The following ERAP1 variants were observed in gnomAD, a reference collection of about 807,000 sequenced individuals.
ERAP1 encodes endoplasmic reticulum aminopeptidase 1.
A neutral mutation model predicts 103.7 loss-of-function variants in ERAP1; 86 were observed. The ratio of observed to expected loss-of-function variants is 0.83; its 90% CI spans 0.70 to 0.99. ERAP1 has a LOEUF of 0.99. Among genes scored for constraint, ERAP1 ranks in the 50% least tolerant of loss-of-function variants. The probability of loss-of-function intolerance (pLI) is 0.00; values close to 1 mark genes in which losing one functional copy is unlikely to be tolerated. For synonymous variants in ERAP1, 398 were observed against 402.4 expected (o/e 0.99, Z 0.13); for missense variants, 1,009 against 1,128.4 (o/e 0.89, Z 1.52).
chr5:96,839,395 C>A, the ERAP1 span, among the ~76,000 whole-genome samples: 1 of 152,180 alleles, frequency 6.6e-6, no homozygotes, highest in African/African-American at 2.4e-5. Flanking sequence ...GATGACCAGC[C>A]CCATTCTGAG....
chr5:96,851,308 T>A, the ERAP1 span, among the ~76,000 whole-genome samples: 1 of 152,208 alleles, frequency 6.6e-6, no homozygotes, highest in Non-Finnish European at 1.5e-5. Context: ...GTTTCCTTAA[T>A]CAGGCTGCAC....
the ERAP1 span, among the ~76,000 whole-genome samples, chr5:96,907,029 AAAAAC>A: frequency 1.1e-4 from 16 of 152,218 alleles, no homozygotes; most frequent in African/African-American, 3.1e-4. Context: ...ACTCCATCTC[AAAAAC>A]AAAACAAAAC....
Position 96,803,858 on chromosome 5 carries a change from G to A in ERAP1, c.69C>T (p.Leu23=). 6.2e-7 allele frequency: 1 copy of A among 1,613,864 alleles called. No individual in the cohort carries two copies. Among genetic ancestry groups the A allele is most frequent in the Non-Finnish European group, 8.5e-7 (1 of 1,180,040 alleles). Residue 23 remains leucine, a synonymous_variant, in exon 2 of 19, where the codon CTC becomes CTT. Coordinates refer to ENST00000443439, the MANE Select transcript of ERAP1 (RefSeq NM_001040458.3). ...MSFLLSSLLA[L]LTVSTPSWCQ... is the part of the protein sequence containing the mutation. ...ACCATGAAGGAGTGGACACAGTTAA[G>A]AGAGCCAACAGTGAGGAAAGTAGAA...
At chr5:96,820,186 G>T in the ERAP1 span, among the ~76,000 whole-genome samples, 1 of 152,092 alleles carries the variant, frequency 6.6e-6, no homozygotes, top group Admixed American at 6.5e-5. Flanking sequence ...TCATTTTACT[G>T]CATTTTATGG....
chr5:96,871,395 T>A, the ERAP1 span, among the ~76,000 whole-genome samples: 1 of 152,256 alleles, frequency 6.6e-6, no homozygotes, highest in African/African-American at 2.4e-5. Flanking sequence ...GTCCCTACTC[T>A]ATCTTGGCCA....
chr5:96,765,046 T>C lies in ERAP1; in HGVS notation c.2819-1818A>G, dbSNP rs573417843. On this transcript the variant is annotated intron_variant, in intron 19 of 19. Coordinates refer to the ERAP1 transcript ENST00000296754. ...ACAGATACTGCCGCTCTTCTCCTGA[T>C]CTTCCATTCCTAGGCTTCTCTTCTC... Among the ~76,000 whole-genome samples the C allele has an allele frequency of 1.4e-4, 22 of 152,164 alleles. No homozygotes were observed. The East Asian group carries it at 4.3e-3, about 30-fold the overall frequency.
chr5:96,829,668 TTC>T, the ERAP1 span, among the ~76,000 whole-genome samples: 1,038 of 152,332 alleles, frequency 6.8e-3, 10 homozygotes, highest in African/African-American at 0.023. Context: ...GCGGTTTAGT[TTC>T]TCTGAGAGCA....
the ERAP1 span, among the ~76,000 whole-genome samples, chr5:96,814,534 G>C: frequency 2.6e-5 from 4 of 152,308 alleles, no homozygotes; most frequent in South Asian, 2.1e-4. Context: ...GAAGTGACTA[G>C]ATTCTAGAGA....
chr5:96,897,796 AC>A, the ERAP1 span, among the ~76,000 whole-genome samples: 2 of 152,216 alleles, frequency 1.3e-5, no homozygotes, highest in Admixed American at 6.5e-5. Context: ...AATTAGAAGA[AC>A]CCTAAGTCAT....
chr5:96,808,320 A>G (rs1778928425), upstream of ERAP1: 1 of 568,238 alleles, frequency 1.8e-6, no homozygotes, highest in African/African-American at 2.3e-5. Flanking sequence ...TGCGAGGGTT[A>G]GGGGCATGCA....
chr5:96,917,360 A>G, the ERAP1 span: 1 of 1,071,062 alleles, frequency 9.3e-7, no homozygotes, highest in Non-Finnish European at 1.4e-6. Context: ...AGCTCAATTG[A>G]TCTGCCCACC....
rs141891516 is a variant in ERAP1, at chr5:96,790,592, T to C, written c.1372A>G (p.Lys458Glu). Residue 458 changes from lysine to glutamate, a missense_variant, in exon 9 of 19, where the codon AAA (lysine) becomes GAA (glutamate). Physicochemically the swap from Lys to Glu is moderately conservative, Grantham distance 56. This residue lies in a region of ERAP1 where 611 missense variants were observed against 651.7 expected (regional missense o/e 0.94). Transcript: ENST00000443439. ...TGGAGATACTGTACAATACCACTTT[T>C]AAATGCGTCAGCACTAAGATACTCC... is the stretch of plus-strand genomic sequence containing the variant. ...LREYLSADAF[K>E]SGIVQYLQKH... 3.1e-6 allele frequency: 5 copies of C among 1,612,592 alleles called. No individual in the cohort carries two copies. Among genetic ancestry groups the C allele is most frequent in the Non-Finnish European group, 2.5e-6 (3 of 1,178,660 alleles).
chr5:96,854,942 A>G, the ERAP1 span, among the ~76,000 whole-genome samples: 7,279 of 152,282 alleles, frequency 0.048, 214 homozygotes, highest in South Asian at 0.11. Flanking sequence ...GAAACTCCCC[A>G]AAGAGCTTAA....
chr5:96,800,288 T>A (rs1249713117), intron 3 of ERAP1, among the ~76,000 whole-genome samples: 3 of 152,202 alleles, frequency 2.0e-5, no homozygotes, highest in Non-Finnish European at 4.4e-5. Context: ...CACATCCGCA[T>A]TGAGATTGGG....
At chr5:96,859,151 T>C in the ERAP1 span, among the ~76,000 whole-genome samples, 7,336 of 151,378 alleles carry the variant, frequency 0.048, 216 homozygotes, top group South Asian at 0.1. Context: ...CCTAAGTAAT[T>C]AGCACAAGGC....
chr5:96,869,217 A>C, the ERAP1 span, among the ~76,000 whole-genome samples: 1 of 152,020 alleles, frequency 6.6e-6, no homozygotes, highest in East Asian at 1.9e-4. Flanking sequence ...CTTATTAGTC[A>C]ATAAAATTCA....
rs760000780 is a variant in ERAP1 at position 96,783,182 on chromosome 5, G to A, written c.2154C>T (p.Asp718=). 31 of 1,613,690 alleles carry A rather than the reference G, an allele frequency of 1.9e-5. No individual in the cohort carries two copies. Among genetic ancestry groups the A allele is most frequent in the South Asian group, 1.5e-4 (14 of 91,080 alleles). ...RDLIDKQTWT[D]EGSVSERMLR... ...GCATTCGCTCTGAGACTGAGCCCTC[G>A]TCTGTCCATGTCTGCTTATCAATGA... Residue 718 remains aspartate, a synonymous_variant, in exon 15 of 19, where the codon GAC becomes GAT. Transcript: ENST00000443439.
In ERAP1 at chr5:96,775,374, G is replaced by C. The variant is rs1337244100; in HGVS notation, c.*1022C>G. ...TGGTGACTGCAATAATTTACTGTCAGTAAATGCCAATAACTAGTTAGTTAG... is the reference window on the plus strand; with the variant it reads ...TGGTGACTGCAATAATTTACTGTCACTAAATGCCAATAACTAGTTAGTTAG... On this transcript the variant is annotated 3_prime_UTR_variant, in exon 19 of 19. Transcript: ENST00000443439. The C allele has an allele frequency of 1.0e-6, 1 of 984,042 alleles. No individual in the cohort carries two copies. Among genetic ancestry groups the C allele is most frequent in the Non-Finnish European group, 1.2e-6 (1 of 829,120 alleles). 61.0% of individuals were successfully genotyped at this position (984,042 alleles called of 1,614,324 possible).
At chr5:96,914,975 C>T in the ERAP1 span, among the ~76,000 whole-genome samples, 3 of 151,336 alleles carry the variant, frequency 2.0e-5, no homozygotes, top group African/African-American at 7.3e-5. Context: ...AATTTTTTTA[C>T]CATACCTTAA....
Sources: allele counts gnomAD v4.1 joint callset (sites outside exome capture counted in the v4.1 genomes callset), GRCh38; gene constraint gnomAD v4.1.1; regional missense constraint gnomAD v4.1.1; transcripts MANE v1.5; gene names NCBI Gene and HGNC (gene_info 2026-07-23, HGNC 2026-07-21).